LVRN: variants seen among roughly 807,000 people sequenced by gnomAD.
LVRN encodes laeverin, also known as aminopeptidase Q.
A neutral mutation model predicts 111.4 loss-of-function variants in LVRN; 99 were observed. That is an observed-to-expected ratio of 0.89 (90% CI 0.76 to 1.05). The LOEUF is 1.05. Ranked by LOEUF, LVRN falls within the 50% of genes least tolerant of loss-of-function variation. LVRN has a pLI of 0.00. For missense variants in LVRN, 1,414 were observed against 1,206.8 expected, an observed-to-expected ratio of 1.17 and a Z score of -2.54; for synonymous variants, 488 against 449.5, an observed-to-expected ratio of 1.09 and a Z score of -1.08.
intron 1 of LVRN, among the ~76,000 whole-genome samples, chr5:115,968,097 G>T (rs1171580250): frequency 6.6e-6 from 1 of 152,118 alleles, no homozygotes; most frequent in African/African-American, 2.4e-5. Flanking sequence ...CTGCCTGATT[G>T]TGTTGGGTAA....
intron 8 of LVRN, 40 bp from the exon 9 acceptor site, chr5:116,000,553 C>A (rs760167074): frequency 1.2e-6 from 2 of 1,611,648 alleles, no homozygotes; most frequent in Non-Finnish European, 1.7e-6. Flanking sequence ...ATTCCATTGG[C>A]ATGCTATTTA....
chr5:115,991,970 T>A (rs886117931), intron 4 of LVRN, among the ~76,000 whole-genome samples, 153 bp from the exon 5 acceptor site: 1 of 152,230 alleles, frequency 6.6e-6, no homozygotes, highest in African/African-American at 2.4e-5. Flanking sequence ...CTTTTGTCTT[T>A]GGCATTAGTC....
intron 1 of LVRN, among the ~76,000 whole-genome samples, chr5:115,981,011 A>T (rs973946036): frequency 6.6e-6 from 1 of 152,192 alleles, no homozygotes; most frequent in Non-Finnish European, 1.5e-5. Context: ...TGGTATATTA[A>T]GCAACTTTCC....
chr5:116,014,988 G>C (rs1161335460), intron 16 of LVRN, among the ~76,000 whole-genome samples: 1 of 152,036 alleles, frequency 6.6e-6, no homozygotes, highest in Non-Finnish European at 1.5e-5. Context: ...ATGATAATCA[G>C]ATACAAGACC....
intron 1 of LVRN, among the ~76,000 whole-genome samples, chr5:115,981,049 T>A (rs775413837): frequency 6.6e-6 from 1 of 152,178 alleles, no homozygotes; most frequent in Non-Finnish European, 1.5e-5. Flanking sequence ...CTTTACAGAT[T>A]CCGAGCAAGA....
chr5:115,963,371 C>G, intron 1 of LVRN, 59 bp downstream of exon 1: 2 of 1,410,572 alleles, frequency 1.4e-6, no homozygotes, highest in Non-Finnish European at 1.9e-6. Context: ...CCGGTGCAGG[C>G]TGCGGGTCCA....
chr5:116,024,557 C>G (rs924634521), intron 19 of LVRN, among the ~76,000 whole-genome samples: 6 of 152,082 alleles, frequency 3.9e-5, no homozygotes, highest in Admixed American at 1.3e-4. Flanking sequence ...CACATTACAC[C>G]CAGAACATGC....
At chr5:116,010,459 C>T (rs909136131) in intron 13 of LVRN, 20 of 480,204 alleles carry the variant, frequency 4.2e-5, no homozygotes, top group African/African-American at 3.7e-4. Context: ...ATACAGAATG[C>T]ATAACTCTTC....
At chr5:115,980,738 A>C (rs967994146) in intron 1 of LVRN, among the ~76,000 whole-genome samples, 2 of 152,162 alleles carry the variant, frequency 1.3e-5, no homozygotes, top group Non-Finnish European at 2.9e-5. Context: ...TACAAAGACA[A>C]TAGGCATTTG....
chr5:116,014,455 G>C lies in LVRN; in HGVS notation c.2378G>C (p.Trp793Ser). 1 of 1,613,260 alleles carries C rather than the reference G, an allele frequency of 6.2e-7. No individual in the cohort carries two copies. The highest frequency in any genetic ancestry group is 2.2e-5 in the East Asian group (1 of 44,842). The change falls in exon 16 of 20, where the codon TGG (tryptophan) becomes TCG (serine). Residue 793 changes from tryptophan (W) to serine (S), a missense_variant. Coordinates refer to ENST00000357872, the MANE Select transcript of LVRN (RefSeq NM_173800.5). ...SLEKLFVTAC[W>S]LGLEDCLQLS... Reference sequence around the variant, plus strand: ...GAAAAACTTTTTGTAACTGCGTGTTGGTTGGGCCTTGAAGACTGCCTTCAG... The same window carrying C: ...GAAAAACTTTTTGTAACTGCGTGTTCGTTGGGCCTTGAAGACTGCCTTCAG...
intron 1 of LVRN, among the ~76,000 whole-genome samples, chr5:115,972,346 T>C (rs1753345811): frequency 6.6e-6 from 1 of 151,976 alleles, no homozygotes; most frequent in Non-Finnish European, 1.5e-5. Flanking sequence ...CTAGGTATTT[T>C]ATATTTTAAA....
intron 10 of LVRN, 55 bp downstream of exon 10, chr5:116,001,294 C>G: frequency 1.9e-6 from 3 of 1,577,184 alleles, no homozygotes; most frequent in Non-Finnish European, 2.6e-6. Context: ...AGCTCTGACC[C>G]AATGGAATCC....
At chr5:115,970,705 G>A (rs1338396016) in intron 1 of LVRN, among the ~76,000 whole-genome samples, 3 of 143,728 alleles carry the variant, frequency 2.1e-5, no homozygotes, top group Non-Finnish European at 4.6e-5. Flanking sequence ...CTTTTTGTAT[G>A]TATCAGTTAT....
chr5:115,962,891 C>A lies in LVRN; in HGVS notation c.274C>A (p.Pro92Thr), dbSNP rs560778503. The A allele has an allele frequency of 6.2e-7, 1 of 1,613,194 alleles. No homozygotes were observed. The highest frequency in any genetic ancestry group is 1.6e-4 in the Middle Eastern group (1 of 6,062). ...TTPSNWRPPG[P>T]WDQLRLPPWL... ...CCCGAGCAACTGGCGACCCCCGGGG[C>A]CCTGGGACCAGCTACGCCTGCCGCC... Residue 92 changes from proline to threonine, a missense_variant, in exon 1 of 20, where the codon CCC becomes ACC. Coordinates refer to ENST00000357872, the MANE Select transcript of LVRN (RefSeq NM_173800.5).
chr5:116,025,778 C>T lies in LVRN; in HGVS notation c.2833-200C>T, dbSNP rs570844202. On this transcript the variant is annotated intron_variant, in intron 19 of 19. Transcript: ENST00000357872. ...TGCACCTTCCTGTCTACATCTGCTT[C>T]TTTGGGGTAGGTGTGGTGTTCATCA... 3.4e-4 allele frequency among the ~76,000 whole-genome samples: 52 copies of T among 152,280 alleles called. 1 individual carries two copies. Among genetic ancestry groups the T allele is most frequent in the Admixed American group, 1.4e-3 (22 of 15,288 alleles).
In LVRN at chr5:116,022,473, A is replaced by C. The variant is rs748406828; in HGVS notation, c.2832+7A>C. On this transcript the variant is annotated splice_region_variant and intron_variant, in intron 19 of 19. Coordinates refer to ENST00000357872, the MANE Select transcript of LVRN (RefSeq NM_173800.5). ...AGATTTACAGATTGTGGAGGTAAGT[A>C]CTTTAAATATTATGAAATACAATGA... The C allele has an allele frequency of 4.6e-6, 7 of 1,513,144 alleles. No homozygotes were observed. Among genetic ancestry groups the C allele is most frequent in the Non-Finnish European group, 6.3e-6 (7 of 1,109,468 alleles). 93.7% of individuals were successfully genotyped at this position (1,513,144 alleles called of 1,614,324 possible).
At chr5:115,993,588 T>C (rs1430906599) in intron 5 of LVRN, among the ~76,000 whole-genome samples, 153 bp from the exon 6 acceptor site, 2 of 152,358 alleles carry the variant, frequency 1.3e-5, no homozygotes, top group East Asian at 1.9e-4. Flanking sequence ...AACAACTTGC[T>C]TTTTTGGTGT....
In LVRN at chr5:115,999,753, C is replaced by T. The variant is rs1748196198; in HGVS notation, c.1375-9C>T. 1 of 1,612,468 alleles carries T rather than the reference C, an allele frequency of 6.2e-7. No individual in the cohort carries two copies. The highest frequency in any genetic ancestry group is 8.5e-7 in the Non-Finnish European group (1 of 1,179,380). On this transcript the variant is annotated splice_polypyrimidine_tract_variant and intron_variant, in intron 6 of 19. Transcript: ENST00000357872. ...AGGAGTTAATGTGCCTCCATCTTTT[C>T]CTTTATAGAATGAGATCTTTTTTTC...
chr5:115,962,815 G>A lies in LVRN; in HGVS notation c.198G>A (p.Pro66=). The A allele has an allele frequency of 1.2e-6, 2 of 1,612,204 alleles. No homozygotes were observed. Residue 66 remains proline (P), a synonymous_variant, in exon 1 of 20, where the codon CCG becomes CCA. Coordinates refer to ENST00000357872, the MANE Select transcript of LVRN (RefSeq NM_173800.5). ...CTTCCCCTCCCCTCAGGCAGAAGCCGACGCCAACCCCGAAACCCAGCAGTG... is the reference window on the plus strand; with the variant it reads ...CTTCCCCTCCCCTCAGGCAGAAGCCAACGCCAACCCCGAAACCCAGCAGTG... The part of the protein sequence containing the change: ...AESSPPLRQK[P]TPTPKPSSAR...
Sources: gnomAD v4.1 joint callset for allele counts (sites outside exome capture counted in the v4.1 genomes callset) on GRCh38, gnomAD v4.1.1 for gene constraint, MANE v1.5 for transcripts, NCBI Gene and HGNC (gene_info 2026-07-23, HGNC 2026-07-21) for gene names.